COX10: variants seen among roughly 807,000 people sequenced by gnomAD.
COX10 encodes protoheme IX farnesyltransferase, mitochondrial.
Under a neutral mutation model 37.3 loss-of-function variants are expected in COX10, and 27 were observed. The ratio of observed to expected loss-of-function variants is 0.72; its 90% CI spans 0.53 to 1.00. The LOEUF (loss-of-function observed/expected upper bound fraction) is 1.00. Ranked by LOEUF, COX10 falls within the 50% of genes least tolerant of loss-of-function variation. The pLI is 0.00. For synonymous variants in COX10, 222 were observed against 229.1 expected, an observed-to-expected ratio of 0.97 and a Z score of 0.28; for missense variants, 475 against 563.2, an observed-to-expected ratio of 0.84 and a Z score of 1.59.
At chr17:14,100,979 G>A (rs192243605) in intron 3 of COX10, among the ~76,000 whole-genome samples, 62 of 152,228 alleles carry the variant, frequency 4.1e-4, no homozygotes, top group African/African-American at 1.5e-3. Flanking sequence ...AAGACAAGTA[G>A]CACCCTCCCC....
In COX10 at chr17:14,069,548, C is replaced by A. The variant is rs1037089216; in HGVS notation, c.-58C>A. On this transcript the variant is annotated 5_prime_UTR_variant, in exon 1 of 7. Coordinates refer to ENST00000261643, the MANE Select transcript of COX10 (RefSeq NM_001303.4). ...GGGGAAGGAAGATGGCGGCGCCCAG[C>A]GTCCCGTGAGGAGAGAGGACACAGG... 5.0e-6 allele frequency: 8 copies of A among 1,598,864 alleles called. No individual in the cohort carries two copies. Among genetic ancestry groups the A allele is most frequent in the South Asian group, 1.1e-5 (1 of 90,280 alleles).
intron 5 of COX10, chr17:14,176,992 G>A (rs1747227189): frequency 5.6e-6 from 2 of 354,028 alleles, no homozygotes; most frequent in Non-Finnish European, 1.0e-5. Context: ...AGGGGAAAAT[G>A]TTTATAGCTA....
At position 14,089,172 on chromosome 17, in the gene COX10, C is replaced by T. The variant is rs114862904; in HGVS notation, c.499+12116C>T. Among the ~76,000 whole-genome samples, 393 of 152,338 alleles carry T rather than the reference C, an allele frequency of 2.6e-3. 2 individuals are homozygous for T. The highest frequency in any genetic ancestry group is 8.9e-3 in the African/African-American group (372 of 41,588). On this transcript the variant is annotated intron_variant, in intron 3 of 6. Coordinates refer to ENST00000261643, the MANE Select transcript of COX10 (RefSeq NM_001303.4). The stretch of plus-strand genomic sequence containing the variant: ...CACTGGGCTCTCTCATTATTCAGTA[C>T]ATCCCCTTCTTGGAGGAGGACATGA...
chr17:14,088,745 T>C (rs1472324244), intron 3 of COX10, among the ~76,000 whole-genome samples: 1 of 152,226 alleles, frequency 6.6e-6, no homozygotes, highest in Non-Finnish European at 1.5e-5. Context: ...TCAAGGATTC[T>C]GAGGTTAGGA....
intron 1 of COX10, among the ~76,000 whole-genome samples, chr17:14,071,460 G>T (rs139504596): frequency 6.6e-6 from 1 of 152,322 alleles, no homozygotes; most frequent in East Asian, 1.9e-4. Context: ...TCTACTAAGA[G>T]AGCTTGATGG....
chr17:14,128,036 A>C (rs987668707), intron 4 of COX10, among the ~76,000 whole-genome samples: 1 of 151,916 alleles, frequency 6.6e-6, no homozygotes, highest in African/African-American at 2.4e-5. Flanking sequence ...CAGATGCTGC[A>C]TATAAATCTG....
chr17:14,205,643 C>T (rs1172141169), intron 6 of COX10, among the ~76,000 whole-genome samples: 2 of 152,214 alleles, frequency 1.3e-5, no homozygotes, highest in Admixed American at 6.5e-5. Flanking sequence ...TGCCTTCCAG[C>T]CCCCACCCTA....
intron 5 of COX10, chr17:14,181,999 TTTTTC>T (rs1434470199): frequency 1.1e-6 from 1 of 932,262 alleles, no homozygotes; most frequent in Non-Finnish European, 1.2e-6. Flanking sequence ...TTTTGGTATT[TTTTTC>T]TTTTTTTTTT....
At chr17:14,094,369 C>A (rs1915598047) in intron 3 of COX10, among the ~76,000 whole-genome samples, 1 of 151,670 alleles carries the variant, frequency 6.6e-6, no homozygotes, top group African/African-American at 2.4e-5. Context: ...CTGATATATT[C>A]ATTTTAAGAT....
At chr17:14,085,312 T>C (rs1330493334) in intron 3 of COX10, among the ~76,000 whole-genome samples, 5 of 152,226 alleles carry the variant, frequency 3.3e-5, no homozygotes, top group African/African-American at 1.2e-4. Flanking sequence ...TTATATTACA[T>C]GTTTTGTTTA....
intron 5 of COX10, among the ~76,000 whole-genome samples, chr17:14,168,348 G>C (rs777017508): frequency 8.5e-5 from 13 of 152,230 alleles, no homozygotes; most frequent in Non-Finnish European, 1.8e-4. Flanking sequence ...CTGCCATTGA[G>C]TGCCTCTGGC....
At chr17:14,102,528 GT>G (rs1915807928) in intron 4 of COX10, among the ~76,000 whole-genome samples, 1 of 152,042 alleles carries the variant, frequency 6.6e-6, no homozygotes, top group Non-Finnish European at 1.5e-5. Context: ...TCTACTCTTA[GT>G]GGTATCTTTG....
At chr17:14,100,676 G>A (rs1172529214) in intron 3 of COX10, among the ~76,000 whole-genome samples, 1 of 152,198 alleles carries the variant, frequency 6.6e-6, no homozygotes, top group Non-Finnish European at 1.5e-5. Context: ...TGCACTTACT[G>A]GCAGAGAAAG....
At chr17:14,137,295 G>GA (rs1318841118) in intron 4 of COX10, among the ~76,000 whole-genome samples, 1 of 150,782 alleles carries the variant, frequency 6.6e-6, no homozygotes, top group African/African-American at 2.4e-5. Context: ...TTTCAATATA[G>GA]AAAAAGTGGT....
chr17:14,137,956 T>TG (rs1567599623), intron 4 of COX10, among the ~76,000 whole-genome samples: 1 of 151,180 alleles, frequency 6.6e-6, no homozygotes, highest in Non-Finnish European at 1.5e-5. Context: ...TTCAGTTTTT[T>TG]TTTTTTTTTT....
At position 14,069,630 on chromosome 17, in the gene COX10, T is replaced by A; in HGVS notation, c.25T>A (p.Ser9Thr). 3.1e-6 allele frequency: 5 copies of A among 1,613,984 alleles called. No homozygotes were observed. The highest frequency in any genetic ancestry group is 3.4e-6 in the Non-Finnish European group (4 of 1,179,974). MAASPHTL[S>T]SRLLTGCVGG... ...TATGGCCGCATCTCCGCACACTCTC[T>A]CCTCACGCCTCCTGACAGGTACTGT... The change falls in exon 1 of 7, where the codon TCC becomes ACC. Residue 9 changes from serine to threonine, a missense_variant. By Grantham distance (58) the Ser-to-Thr change is moderately conservative. Transcript: ENST00000261643.
chr17:14,142,770 T>TA (rs1904585834), intron 4 of COX10, among the ~76,000 whole-genome samples: 1 of 152,220 alleles, frequency 6.6e-6, no homozygotes, highest in African/African-American at 2.4e-5. Context: ...TTTTCTTCCA[T>TA]AGATGGACCA....
intron 4 of COX10, among the ~76,000 whole-genome samples, chr17:14,102,884 T>G (rs1915815885): frequency 6.6e-6 from 1 of 152,122 alleles, no homozygotes; most frequent in Non-Finnish European, 1.5e-5. Flanking sequence ...GGCCAAAACT[T>G]AAGGAAAATC....
intron 4 of COX10, among the ~76,000 whole-genome samples, chr17:14,157,584 G>A (rs1048009841): frequency 1.3e-5 from 2 of 152,166 alleles, no homozygotes; most frequent in Non-Finnish European, 2.9e-5. Flanking sequence ...GGAATATGCT[G>A]CAGTCGATAA....
Sources: allele counts gnomAD v4.1 joint callset (sites outside exome capture counted in the v4.1 genomes callset), GRCh38; gene constraint gnomAD v4.1.1; transcripts MANE v1.5; gene names NCBI Gene and HGNC (gene_info 2026-07-23, HGNC 2026-07-21).